NRXN2: variants seen among roughly 807,000 people sequenced by gnomAD.
NRXN2 encodes neurexin-2-beta.
Under a neutral mutation model 128.8 loss-of-function variants are expected in NRXN2, and 29 were observed. That is an observed-to-expected ratio of 0.23 (90% CI 0.17 to 0.31). NRXN2 has a LOEUF of 0.31. Among genes scored for constraint, NRXN2 ranks in the 10% least tolerant of loss-of-function variants. The pLI, the probability that NRXN2 is intolerant of heterozygous loss-of-function variation, is 1.00. For synonymous variants in NRXN2, 1,098 were observed against 1,075.2 expected, an observed-to-expected ratio of 1.02 and a Z score of -0.41; for missense variants, 1,881 against 2,452.6, an observed-to-expected ratio of 0.77 and a Z score of 4.92.
At chr11:64,674,153 TG>T (rs1159972398) in intron 7 of NRXN2, among the ~76,000 whole-genome samples, 2 of 152,040 alleles carry the variant, frequency 1.3e-5, no homozygotes, top group Non-Finnish European at 2.9e-5. Context: ...CTGAAATTAC[TG>T]GTGCATAGCT....
intron 17 of NRXN2, among the ~76,000 whole-genome samples, chr11:64,636,441 A>G (rs1171732634): frequency 6.6e-6 from 1 of 151,900 alleles, no homozygotes; most frequent in East Asian, 1.9e-4. Flanking sequence ...TTTCCCGGAA[A>G]GGAGCCTTGT....
rs775962047 is a variant in NRXN2, at chr11:64,650,457, C to T, written c.3100G>A (p.Asp1034Asn). ...TQHSNGARNL[D>N]LKGELYIGGL... ...GAGGCCCCAGCCCCACCTTTGAGAT[C>T]GAGGTTTCGGGCGCCATTGGAGTGC... is the stretch of plus-strand genomic sequence containing the variant. The change falls in exon 15 of 23, where the codon GAT (aspartate) becomes AAT (asparagine). Residue 1034 changes from aspartate to asparagine, a missense_variant. Coordinates refer to ENST00000265459, the MANE Select transcript of NRXN2 (RefSeq NM_015080.4). The T allele has an allele frequency of 1.1e-5, 17 of 1,614,106 alleles. No individual in the cohort carries two copies. The highest frequency in any genetic ancestry group is 1.3e-5 in the African/African-American group (1 of 75,014).
In NRXN2 at chr11:64,622,318, C is replaced by T. The variant is rs143861270; in HGVS notation, c.4173+435G>A. Among the ~76,000 whole-genome samples the T allele has an allele frequency of 2.8e-4, 43 of 152,284 alleles. No homozygotes were observed. The highest frequency in any genetic ancestry group is 1.0e-3 in the African/African-American group (43 of 41,554). ...CATCCAGCCCTCCCATGCTGTCACCCCTGCCCACAGCAGGGCCAGCCTGGT... is the reference window on the plus strand; with the variant it reads ...CATCCAGCCCTCCCATGCTGTCACCTCTGCCCACAGCAGGGCCAGCCTGGT... On this transcript the variant is annotated intron_variant, in intron 21 of 22. Coordinates refer to ENST00000265459, the MANE Select transcript of NRXN2 (RefSeq NM_015080.4). This position sits in a 1 kb window ranked among gnomAD's most constrained non-coding sequence, Gnocchi z 4.3.
chr11:64,642,515 G>A, intron 17 of NRXN2: 1 of 1,600,450 alleles, frequency 6.2e-7, no homozygotes. Flanking sequence ...CAACCGGGTG[G>A]CCGGCATCTA....
chr11:64,681,959 G>T (rs924716983), intron 6 of NRXN2, among the ~76,000 whole-genome samples: 1 of 151,194 alleles, frequency 6.6e-6, no homozygotes, highest in Admixed American at 6.6e-5. Context: ...TTAGGGGAAT[G>T]CGTTCCTAAG....
In NRXN2 at chr11:64,720,356, G is replaced by A. The variant is rs146921519; in HGVS notation, c.-245+2615C>T. ...AGCAGCAAGGTGGGTGGCGTGTGAG[G>A]ACACACAATCGGGGCATCCCCGTGG... is the stretch of plus-strand genomic sequence containing the variant. On this transcript the variant is annotated intron_variant, in intron 1 of 22. Transcript: ENST00000265459. Among the ~76,000 whole-genome samples, 409 of 152,342 alleles carry A rather than the reference G, an allele frequency of 2.7e-3. 2 individuals carry two copies. The highest frequency in any genetic ancestry group is 9.3e-3 in the African/African-American group (388 of 41,582).
At chr11:64,715,053 GAA>G (rs1396325686) in intron 1 of NRXN2, among the ~76,000 whole-genome samples, 1 of 152,110 alleles carries the variant, frequency 6.6e-6, no homozygotes, top group African/African-American at 2.4e-5. Context: ...AGAGGGGAGA[GAA>G]AGAGGAAGGA....
Position 64,667,278 on chromosome 11 carries a change from G to A in NRXN2, c.1770C>T (p.His590=), listed in dbSNP as rs760742776. 1.2e-5 allele frequency: 19 copies of A among 1,614,102 alleles called. No homozygotes were observed. The highest frequency in any genetic ancestry group is 5.3e-5 in the African/African-American group (4 of 74,932). Residue 590 remains histidine (H), a synonymous_variant, in exon 9 of 23, where the codon CAC becomes CAT. Transcript: ENST00000265459. The surrounding 1 kb of genome is among the most constrained non-coding windows in gnomAD (Gnocchi z 5.6). ...TTCGCCCATCCCTCTGGAAGTCCAC[G>A]TGACACCACTCGCCATCATTGACCT... is the stretch of plus-strand genomic sequence containing the variant. ...SRKVNDGEWC[H]VDFQRDGRKG... is the part of the protein sequence containing the mutation.
intron 4 of NRXN2, among the ~76,000 whole-genome samples, chr11:64,691,884 C>T (rs1279915990): frequency 2.6e-5 from 4 of 152,176 alleles, no homozygotes; most frequent in Non-Finnish European, 5.9e-5. Flanking sequence ...GGCTAAGGAC[C>T]CCACTCTGTT....
At chr11:64,699,767 T>C (rs1379997556) in intron 2 of NRXN2, among the ~76,000 whole-genome samples, 3 of 152,090 alleles carry the variant, frequency 2.0e-5, no homozygotes, top group Non-Finnish European at 2.9e-5. Context: ...AGCTGGCTAA[T>C]AAAGGGGCCC....
Position 64,712,995 on chromosome 11 carries a change from G to A in NRXN2, c.705C>T (p.Gly235=). ...GEVGCDCSHT[G]FGGKFCSEEE... ...CTTCGCTGCAGAACTTGCCGCCGAA[G>A]CCCGTGTGGCTGCAGTCGCAGCCCA... Residue 235 remains glycine (G), a synonymous_variant, in exon 2 of 23, where the codon GGC becomes GGT. Transcript: ENST00000265459. 1 of 1,494,684 alleles carries A rather than the reference G, an allele frequency of 6.7e-7. No individual in the cohort carries two copies. Among genetic ancestry groups the A allele is most frequent in the Non-Finnish European group, 8.9e-7 (1 of 1,127,076 alleles). 92.6% of individuals were successfully genotyped at this position (1,494,684 alleles called of 1,614,324 possible).
intron 2 of NRXN2, among the ~76,000 whole-genome samples, chr11:64,711,498 C>G (rs144263183): frequency 2.6e-5 from 4 of 152,146 alleles, no homozygotes; most frequent in African/African-American, 4.8e-5. Flanking sequence ...CCCCTGCCCC[C>G]CGACACCACA....
At chr11:64,676,846 T>A in intron 7 of NRXN2, 147 bp downstream of exon 7, 2 of 671,678 alleles carry the variant, frequency 3.0e-6, no homozygotes, top group Non-Finnish European at 2.7e-6. Context: ...AGAAGCAAAA[T>A]CTAAAGATTG....
At chr11:64,701,744 A>G (rs2055393912) in intron 2 of NRXN2, among the ~76,000 whole-genome samples, 2 of 152,254 alleles carry the variant, frequency 1.3e-5, no homozygotes, top group Non-Finnish European at 2.9e-5. Flanking sequence ...CCTAAAAAAA[A>G]GAAATAAATA....
rs576172487 is a variant in NRXN2 at position 64,636,843 on chromosome 11, C to T, written c.3404-1391G>A. 1.2e-4 allele frequency among the ~76,000 whole-genome samples: 19 copies of T among 152,110 alleles called. No individual in the cohort carries two copies. The South Asian group carries it at 3.9e-3, about 32-fold the overall frequency. ...CTAGGCCGGGTTCCCTCAGGTACCT[C>T]GGGGTCTCTCGCCTCAGGGACTTGA... is the stretch of plus-strand genomic sequence containing the variant. On this transcript the variant is annotated intron_variant, in intron 17 of 22. Coordinates refer to ENST00000265459, the MANE Select transcript of NRXN2 (RefSeq NM_015080.4).
intron 6 of NRXN2, among the ~76,000 whole-genome samples, chr11:64,682,536 G>A (rs1031473161): frequency 6.6e-6 from 1 of 152,190 alleles, no homozygotes; most frequent in Non-Finnish European, 1.5e-5. Flanking sequence ...CTGCATCCTT[G>A]GGGACTCCAT....
intron 18 of NRXN2, among the ~76,000 whole-genome samples, chr11:64,634,237 G>T (rs1032637495): frequency 2.0e-5 from 3 of 152,220 alleles, no homozygotes; most frequent in Non-Finnish European, 4.4e-5. Context: ...TGGCCAGGGT[G>T]AGCATGTGAA....
chr11:64,608,955 C>T (rs946605471), intron 22 of NRXN2, among the ~76,000 whole-genome samples: 1 of 151,908 alleles, frequency 6.6e-6, no homozygotes, highest in Non-Finnish European at 1.5e-5. Flanking sequence ...TGGGAGGGGA[C>T]GGCCACGGGA....
intron 22 of NRXN2, among the ~76,000 whole-genome samples, chr11:64,613,008 C>T (rs943339401): frequency 2.0e-5 from 3 of 152,242 alleles, no homozygotes; most frequent in Admixed American, 6.5e-5. Flanking sequence ...CTCACCTGTG[C>T]GAGCAGAGAG....
Sources: allele counts gnomAD v4.1 joint callset (sites outside exome capture counted in the v4.1 genomes callset), GRCh38; gene constraint gnomAD v4.1.1; non-coding constraint Gnocchi (gnomAD v3.1); transcripts MANE v1.5; gene names NCBI Gene and HGNC (gene_info 2026-07-23, HGNC 2026-07-21).